Variants in ARRB1 observed in about 807,000 individuals in gnomAD.
The protein encoded by ARRB1 is beta-arrestin-1.
A neutral mutation model predicts 56.8 loss-of-function variants in ARRB1; 21 were observed. The ratio of observed to expected loss-of-function variants is 0.37; its 90% CI spans 0.26 to 0.53. The LOEUF is 0.53. Among genes scored for constraint, ARRB1 ranks in the 20% least tolerant of loss-of-function variants. The pLI is 0.88. For missense variants in ARRB1, 424 were observed against 553.7 expected (o/e 0.77, Z 2.35); for synonymous variants, 210 against 218.6 (o/e 0.96, Z 0.35).
intron 3 of ARRB1, 67 bp from the exon 4 acceptor site, chr11:75,284,346 AC>A: frequency 6.8e-7 from 1 of 1,474,222 alleles, no homozygotes; most frequent in South Asian, 1.3e-5. Flanking sequence ...TGCCCCAAAC[AC>A]CAGCCCAAGC....
At chr11:75,282,396 G>A (rs1408105078) in intron 5 of ARRB1, among the ~76,000 whole-genome samples, 1 of 152,224 alleles carries the variant, frequency 6.6e-6, no homozygotes, top group Non-Finnish European at 1.5e-5. Context: ...CCGTATCCTG[G>A]ATGATTTTGG....
chr11:75,337,341 G>A (rs1947620969), intron 1 of ARRB1, among the ~76,000 whole-genome samples: 1 of 152,160 alleles, frequency 6.6e-6, no homozygotes, highest in Admixed American at 6.5e-5. Flanking sequence ...ACTCCAGTCT[G>A]GATGACACAG....
At chr11:75,313,261 G>T (rs1947200640) in intron 1 of ARRB1, among the ~76,000 whole-genome samples, 1 of 152,242 alleles carries the variant, frequency 6.6e-6, no homozygotes, top group African/African-American at 2.4e-5. Flanking sequence ...TGAGGCAGGA[G>T]AATTGCTTAA....
rs35969092 is a variant in ARRB1 at position 75,291,979 on chromosome 11, C to T, written c.21-1940G>A. ...AGAAGGCGAGTGGGTGGTGGCTCTG[C>T]GCTGCATTGATGGCCCTGGCCCTGC... On this transcript the variant is annotated intron_variant, in intron 1 of 15. Coordinates refer to ENST00000420843, the MANE Select transcript of ARRB1 (RefSeq NM_004041.5). Among the ~76,000 whole-genome samples, 708 of 152,260 alleles carry T rather than the reference C, an allele frequency of 4.6e-3. 7 individuals carry two copies. Among genetic ancestry groups the T allele is most frequent in the African/African-American group, 0.016 (677 of 41,550 alleles).
At chr11:75,317,024 C>G (rs1947277205) in intron 1 of ARRB1, among the ~76,000 whole-genome samples, 1 of 152,286 alleles carries the variant, frequency 6.6e-6, no homozygotes, top group Middle Eastern at 3.4e-3. Flanking sequence ...CGAGATCGAG[C>G]TACTACTGCC....
At chr11:75,282,265 G>A (rs1946363262) in intron 5 of ARRB1, 1 of 451,946 alleles carries the variant, frequency 2.2e-6, no homozygotes, top group African/African-American at 2.0e-5. Flanking sequence ...ATCTTTCTAT[G>A]ATGTCTACTG....
intron 1 of ARRB1, among the ~76,000 whole-genome samples, chr11:75,325,805 C>T (rs1947423002): frequency 6.6e-6 from 1 of 152,190 alleles, no homozygotes; most frequent in Non-Finnish European, 1.5e-5. Context: ...CAGCCTCTCT[C>T]TGGACCTCAC....
intron 1 of ARRB1, chr11:75,335,091 G>A: frequency 5.3e-6 from 1 of 186,918 alleles, no homozygotes; most frequent in South Asian, 9.4e-5. Context: ...CAGCCTCATG[G>A]TGAATCCGCC....
intron 1 of ARRB1, among the ~76,000 whole-genome samples, chr11:75,313,916 A>C (rs1947216890): frequency 6.6e-6 from 1 of 152,214 alleles, no homozygotes; most frequent in Non-Finnish European, 1.5e-5. Flanking sequence ...CTGCCTTAAC[A>C]GTTGCAGGCA....
chr11:75,327,760 T>G (rs945822188), intron 1 of ARRB1, among the ~76,000 whole-genome samples: 2 of 152,008 alleles, frequency 1.3e-5, no homozygotes, highest in Non-Finnish European at 2.9e-5. Context: ...TACTAATTGT[T>G]GTAATTTTAG....
chr11:75,272,751 A>G, intron 12 of ARRB1, 144 bp downstream of exon 12: 1 of 691,948 alleles, frequency 1.4e-6, no homozygotes, highest in Non-Finnish European at 2.5e-6. Context: ...AACAGAAGGG[A>G]GGAAAAGAAG....
intron 1 of ARRB1, among the ~76,000 whole-genome samples, chr11:75,350,397 C>T (rs1322040395): frequency 1.3e-5 from 2 of 151,998 alleles, no homozygotes; most frequent in African/African-American, 4.8e-5. Context: ...AGAAGTCGGA[C>T]ACAAGAATAG....
chr11:75,351,542 A>G, intron 1 of ARRB1, 46 bp downstream of exon 1: 1 of 1,497,402 alleles, frequency 6.7e-7, no homozygotes, highest in Admixed American at 2.1e-5. Flanking sequence ...GTCCTCGCCG[A>G]GGTCGCCCCC....
chr11:75,291,760 C>T (rs906668491), intron 1 of ARRB1, among the ~76,000 whole-genome samples: 2 of 152,000 alleles, frequency 1.3e-5, no homozygotes, highest in South Asian at 2.1e-4. Flanking sequence ...CCTGGACGGG[C>T]GAAAATAAAA....
At chr11:75,270,445 T>C (rs1445144170) in intron 13 of ARRB1, among the ~76,000 whole-genome samples, 1 of 152,108 alleles carries the variant, frequency 6.6e-6, no homozygotes, top group Non-Finnish European at 1.5e-5. Flanking sequence ...CTGGCCAAGA[T>C]AGTGAAATCC....
intron 1 of ARRB1, among the ~76,000 whole-genome samples, chr11:75,339,368 T>G (rs1325464662): frequency 6.6e-6 from 1 of 152,228 alleles, no homozygotes; most frequent in Non-Finnish European, 1.5e-5. Context: ...TGATGCCCTG[T>G]GGCAGAACTT....
At chr11:75,300,980 A>AAG (rs1946890097) in intron 1 of ARRB1, among the ~76,000 whole-genome samples, 1 of 147,528 alleles carries the variant, frequency 6.8e-6, no homozygotes, top group African/African-American at 2.6e-5. Flanking sequence ...AAAAAAAAAA[A>AAG]AAAAAATACA....
intron 10 of ARRB1, among the ~76,000 whole-genome samples, chr11:75,275,123 A>ATTTTATTTTAT (rs1946167812): frequency 7.2e-6 from 1 of 137,958 alleles, no homozygotes; most frequent in African/African-American, 2.8e-5. Context: ...TTTAATTTAA[A>ATTTTATTTTAT]TTTATTTTAT....
Position 75,282,010 on chromosome 11 carries a change from G to C in ARRB1, c.366C>G (p.Asn122Lys), listed in dbSNP as rs776516816. Residue 122 changes from asparagine (N) to lysine (K), a missense_variant, in exon 6 of 16, where the codon AAC becomes AAG. Physicochemically the swap from Asn to Lys is moderately conservative, Grantham distance 94. This residue lies in a region of ARRB1 where 301 missense variants were observed against 387.9 expected (regional missense o/e 0.78). Transcript: ENST00000420843. ...AYPFTFEIPP[N>K]LPCSVTLQPG... ...GCTGCAGTGTCACAGAACATGGAAGGTTTGGAGGGATCTGTCAAGAAGAGG... is the reference window on the plus strand; with the variant it reads ...GCTGCAGTGTCACAGAACATGGAAGCTTTGGAGGGATCTGTCAAGAAGAGG... The C allele has an allele frequency of 6.2e-7, 1 of 1,614,102 alleles. No individual in the cohort carries two copies. Among genetic ancestry groups the C allele is most frequent in the Non-Finnish European group, 8.5e-7 (1 of 1,179,988 alleles).
Sources: allele counts gnomAD v4.1 joint callset (sites outside exome capture counted in the v4.1 genomes callset), GRCh38; gene constraint gnomAD v4.1.1; regional missense constraint gnomAD v4.1.1; transcripts MANE v1.5; gene names NCBI Gene and HGNC (gene_info 2026-07-23, HGNC 2026-07-21).